Variants in CLVS1 observed in about 807,000 individuals in gnomAD.
CLVS1 encodes the protein clavesin-1.
A neutral mutation model predicts 33.1 loss-of-function variants in CLVS1; 10 were observed. The ratio of observed to expected loss-of-function variants is 0.30; its 90% CI spans 0.19 to 0.51. CLVS1 has a LOEUF of 0.51. Ranked by LOEUF, CLVS1 falls within the 20% of genes least tolerant of loss-of-function variation. The probability of loss-of-function intolerance (pLI) is 0.97; values close to 1 mark genes in which losing one functional copy is unlikely to be tolerated. For missense variants in CLVS1, 343 were observed against 433.4 expected (o/e 0.79, Z 1.85); for synonymous variants, 163 against 166.1 (o/e 0.98, Z 0.14).
At chr8:61,171,963 CA>C (rs1443272658) in intron 2 of CLVS1, among the ~76,000 whole-genome samples, 1 of 152,156 alleles carries the variant, frequency 6.6e-6, no homozygotes, top group African/African-American at 2.4e-5. Flanking sequence ...TGGATTTTAT[CA>C]GGAAGACTGT....
chr8:61,277,642 G>A (rs1476132420), intron 2 of CLVS1, among the ~76,000 whole-genome samples: 4 of 152,060 alleles, frequency 2.6e-5, no homozygotes, highest in African/African-American at 9.7e-5. Context: ...TGGGGGGGTA[G>A]GGAAGAAATA....
At chr8:61,224,094 T>C (rs1011729637) in intron 2 of CLVS1, among the ~76,000 whole-genome samples, 138 of 152,280 alleles carry the variant, frequency 9.1e-4, no homozygotes, top group African/African-American at 3.2e-3. Flanking sequence ...TTCTTACTTC[T>C]TTGCCTTGTG....
chr8:61,318,764 TC>T (rs1488978201), intron 2 of CLVS1, among the ~76,000 whole-genome samples: 1 of 152,046 alleles, frequency 6.6e-6, no homozygotes, highest in Non-Finnish European at 1.5e-5. Context: ...CCATATCTGG[TC>T]CTTTTTGTTT....
intron 2 of CLVS1, among the ~76,000 whole-genome samples, chr8:61,239,382 G>A (rs77977743): frequency 0.013 from 1,962 of 152,232 alleles, 51 homozygotes; most frequent in African/African-American, 0.045. Flanking sequence ...AGAAAGCCAC[G>A]CCTTATCTGG....
intron 2 of CLVS1, among the ~76,000 whole-genome samples, chr8:61,206,733 C>A (rs781329063): frequency 2.0e-5 from 3 of 151,798 alleles, no homozygotes; most frequent in Non-Finnish European, 4.4e-5. Context: ...GGACTACAGG[C>A]GCCTGCCACC....
rs184917418 is a variant in CLVS1 at position 61,369,897 on chromosome 8, C to A, written c.456-6708C>A. 1.8e-3 allele frequency among the ~76,000 whole-genome samples: 279 copies of A among 152,302 alleles called. 1 individual carries two copies. Among genetic ancestry groups the A allele is most frequent in the Non-Finnish European group, 3.3e-3 (223 of 68,030 alleles). The stretch of plus-strand genomic sequence containing the variant: ...AGAAGGAGCACATTTGCCTCTCCAC[C>A]TTGGCTTAGACATCATTATCAGAGG... On this transcript the variant is annotated intron_variant, in intron 2 of 5. Transcript: ENST00000325897.
chr8:61,239,156 CTTTG>C (rs1178099706), intron 2 of CLVS1, among the ~76,000 whole-genome samples: 1 of 152,064 alleles, frequency 6.6e-6, no homozygotes, highest in African/African-American at 2.4e-5. Context: ...CTATTAACTG[CTTTG>C]TTTAATTTTT....
chr8:61,244,017 T>A (rs1808753045), intron 2 of CLVS1, among the ~76,000 whole-genome samples: 1 of 152,182 alleles, frequency 6.6e-6, no homozygotes, highest in Admixed American at 6.5e-5. Flanking sequence ...AATCAATACT[T>A]GTTATGCTTT....
chr8:61,122,414 A>C (rs1314841097), intron 1 of CLVS1, among the ~76,000 whole-genome samples: 1 of 152,174 alleles, frequency 6.6e-6, no homozygotes, highest in Non-Finnish European at 1.5e-5. Context: ...TACTCGGGCC[A>C]GGGATATAGA....
chr8:61,306,719 C>G (rs1376023422), intron 2 of CLVS1, among the ~76,000 whole-genome samples: 1 of 152,144 alleles, frequency 6.6e-6, no homozygotes, highest in African/African-American at 2.4e-5. Context: ...GTTGAGGAAC[C>G]TCCATACTGT....
At chr8:61,147,507 A>G (rs1019160726) in intron 2 of CLVS1, among the ~76,000 whole-genome samples, 1 of 152,234 alleles carries the variant, frequency 6.6e-6, no homozygotes, top group African/African-American at 2.4e-5. Context: ...TTAGAAATTC[A>G]GTTTTCAAAA....
chr8:61,467,938 G>T (rs1464339650), intron 5 of CLVS1, among the ~76,000 whole-genome samples: 2 of 152,192 alleles, frequency 1.3e-5, no homozygotes, highest in Non-Finnish European at 2.9e-5. Context: ...CAGGGTATGT[G>T]TGTGCAGTGA....
intron 5 of CLVS1, among the ~76,000 whole-genome samples, chr8:61,461,606 C>T (rs1034060487): frequency 6.6e-6 from 1 of 152,222 alleles, no homozygotes; most frequent in African/African-American, 2.4e-5. Context: ...CATTTTAGAA[C>T]ATGGATATAC....
intron 3 of CLVS1, among the ~76,000 whole-genome samples, chr8:61,388,182 C>G (rs796249832): frequency 1.8e-4 from 28 of 151,926 alleles, no homozygotes; most frequent in African/African-American, 6.7e-4. Flanking sequence ...CCCAGAGATA[C>G]TATGTACCAG....
chr8:61,248,018 C>T (rs1206085554), intron 2 of CLVS1, among the ~76,000 whole-genome samples: 1 of 152,106 alleles, frequency 6.6e-6, no homozygotes, highest in Non-Finnish European at 1.5e-5. Flanking sequence ...GCCAGTTATC[C>T]CAGTCCCATT....
At chr8:61,089,061 C>T (rs960652984) in intron 1 of CLVS1, among the ~76,000 whole-genome samples, 1 of 152,086 alleles carries the variant, frequency 6.6e-6, no homozygotes, top group African/African-American at 2.4e-5. Flanking sequence ...CTCGTCCTCC[C>T]GAAGTGCTGG....
intron 2 of CLVS1, among the ~76,000 whole-genome samples, chr8:61,265,452 A>C (rs1351764563): frequency 6.6e-6 from 1 of 152,236 alleles, no homozygotes; most frequent in Non-Finnish European, 1.5e-5. Context: ...GAGGATAATA[A>C]TACTACCTAT....
At chr8:61,178,772 A>G (rs1198780049) in intron 2 of CLVS1, among the ~76,000 whole-genome samples, 1 of 152,198 alleles carries the variant, frequency 6.6e-6, no homozygotes, top group Non-Finnish European at 1.5e-5. Context: ...AAGAAATAAA[A>G]TCCTTTCCAG....
intron 5 of CLVS1, among the ~76,000 whole-genome samples, chr8:61,485,877 T>C (rs1803860206): frequency 1.3e-5 from 2 of 151,962 alleles, no homozygotes; most frequent in African/African-American, 4.8e-5. Context: ...TTCTCACTCA[T>C]AGGTGGGAAT....
Sources: gnomAD v4.1 joint callset for allele counts (sites outside exome capture counted in the v4.1 genomes callset) on GRCh38, gnomAD v4.1.1 for gene constraint, MANE v1.5 for transcripts, NCBI Gene and HGNC (gene_info 2026-07-23, HGNC 2026-07-21) for gene names.